WDR27: variants seen among roughly 807,000 people sequenced by gnomAD.
The protein encoded by WDR27 is WD repeat-containing protein 27.
A neutral mutation model predicts 114.4 loss-of-function variants in WDR27; 100 were observed. The observed-to-expected ratio is 0.87, with a 90% CI of 0.74 to 1.03. WDR27 has a LOEUF of 1.03. WDR27 is among the 50% of genes least tolerant of loss of function. The probability of loss-of-function intolerance (pLI) is 0.00; values close to 1 mark genes in which losing one functional copy is unlikely to be tolerated. For missense variants in WDR27, 1,129 were observed against 1,092.9 expected (o/e 1.03, Z -0.47); for synonymous variants, 449 against 423.1 (o/e 1.06, Z -0.75).
chr6:169,536,812 G>A (rs1483945522), intron 25 of WDR27, among the ~76,000 whole-genome samples: 1 of 152,126 alleles, frequency 6.6e-6, no homozygotes, highest in Non-Finnish European at 1.5e-5. Context: ...GACATCGTGT[G>A]TGGGTCTCCA....
intron 25 of WDR27, among the ~76,000 whole-genome samples, chr6:169,516,470 G>GAACTCCTCCA (rs1489614839): frequency 6.6e-6 from 1 of 152,020 alleles, no homozygotes. Flanking sequence ...AACTCCTCCA[G>GAACTCCTCCA]GGGGGCTAAT....
At chr6:169,527,370 G>C (rs1171798360) in intron 25 of WDR27, among the ~76,000 whole-genome samples, 1 of 151,164 alleles carries the variant, frequency 6.6e-6, no homozygotes, top group Non-Finnish European at 1.5e-5. Context: ...CATAAAAGAG[G>C]TCAGACACAA....
chr6:169,635,317 G>A (rs996595965), intron 19 of WDR27, among the ~76,000 whole-genome samples: 5 of 152,304 alleles, frequency 3.3e-5, no homozygotes, highest in African/African-American at 9.6e-5. Flanking sequence ...CTCGGGAGGC[G>A]GAGGTTGCGG....
chr6:169,580,541 CAT>C (rs931430319), intron 24 of WDR27, among the ~76,000 whole-genome samples: 1 of 152,194 alleles, frequency 6.6e-6, no homozygotes, highest in Admixed American at 6.5e-5. Flanking sequence ...CCTGTCCCAC[CAT>C]CCCACGTGCT....
rs368374418 is a variant in WDR27 at position 169,660,746 on chromosome 6, C to A, written c.1046G>T (p.Arg349Leu). ...ACGCLSSENTRCVWIGSSVGL... is the reference protein window; with the variant it reads ...ACGCLSSENTLCVWIGSSVGL... Reference sequence around the variant, plus strand: ...CACTGAGCTTCCGATCCACACACATCGGGTGTTCTCAGAAGAAAGACTGAT... The same window carrying A: ...CACTGAGCTTCCGATCCACACACATAGGGTGTTCTCAGAAGAAAGACTGAT... The change falls in exon 10 of 26, where the codon CGA becomes CTA. Residue 349 changes from arginine (R) to leucine (L), a missense_variant. Physicochemically the swap from Arg to Leu is moderately radical, Grantham distance 102. Transcript: ENST00000448612. 2.5e-6 allele frequency: 4 copies of A among 1,613,704 alleles called. No homozygotes were observed. Among genetic ancestry groups the A allele is most frequent in the Admixed American group, 3.3e-5 (2 of 60,034 alleles).
In WDR27 at chr6:169,688,759, G is replaced by C. The variant is rs1431305754; in HGVS notation, c.189+58C>G. 6.4e-6 allele frequency: 9 copies of C among 1,406,112 alleles called. No homozygotes were observed. In the East Asian group the frequency reaches 2.2e-4, roughly 35 times the overall value. The allele number at this position is 1,406,112 out of a possible 1,614,324, so 87.1% of individuals were successfully genotyped here. ...GTAATGCTGTCCGAACAGCATCAAA[G>C]ACATGGAGAGACAAGGGCAAGGCCT... On this transcript the variant is annotated intron_variant, in intron 2 of 25. Transcript: ENST00000448612.
At chr6:169,699,240 C>G (rs908264871) in intron 1 of WDR27, among the ~76,000 whole-genome samples, 3 of 152,154 alleles carry the variant, frequency 2.0e-5, no homozygotes, top group Non-Finnish European at 4.4e-5. Context: ...GGCTGCAGCA[C>G]TGGGAAACCT....
chr6:169,459,766 A>G (rs1466196053), intron 25 of WDR27, among the ~76,000 whole-genome samples: 1 of 152,162 alleles, frequency 6.6e-6, no homozygotes, highest in Non-Finnish European at 1.5e-5. Context: ...TAAACTTTGC[A>G]GACCACAAGG....
At chr6:169,670,954 G>A in intron 3 of WDR27, 2 of 428,324 alleles carry the variant, frequency 4.7e-6, no homozygotes, top group Non-Finnish European at 8.4e-6. Flanking sequence ...GGAGGCTGCA[G>A]TACCTGTGCA....
chr6:169,456,264 G>A (rs1327224342), downstream of WDR27, among the ~76,000 whole-genome samples: 1 of 152,104 alleles, frequency 6.6e-6, no homozygotes, highest in Non-Finnish European at 1.5e-5. The surrounding 1 kb of genome is among the most constrained non-coding windows in gnomAD (Gnocchi z 4.0). Context: ...ATTTATGGTC[G>A]ATGTGTGAAA....
chr6:169,502,398 CA>C (rs1330186850), intron 25 of WDR27, among the ~76,000 whole-genome samples: 1 of 152,204 alleles, frequency 6.6e-6, no homozygotes, highest in Non-Finnish European at 1.5e-5. Context: ...CCAGGGCTTA[CA>C]CTGTAGTTTT....
chr6:169,649,821 C>T (rs530748470), intron 14 of WDR27, among the ~76,000 whole-genome samples: 2 of 149,532 alleles, frequency 1.3e-5, no homozygotes, highest in African/African-American at 4.9e-5. Context: ...ATCCCTCACA[C>T]ATCCATCTCT....
At chr6:169,677,080 C>T (rs960070996) in intron 2 of WDR27, among the ~76,000 whole-genome samples, 4 of 152,102 alleles carry the variant, frequency 2.6e-5, no homozygotes, top group African/African-American at 7.2e-5. Context: ...TACCTAAAAA[C>T]GTGGAAGTGG....
chr6:169,647,903 A>G, intron 15 of WDR27, 33 bp from the exon 16 acceptor site: 1 of 1,433,584 alleles, frequency 7.0e-7, no homozygotes, highest in Admixed American at 2.5e-5. Flanking sequence ...GGTGATCGGG[A>G]GACATTCACA....
At position 169,668,082 on chromosome 6, in the gene WDR27, C is replaced by A. The variant is rs185125982; in HGVS notation, c.560G>T (p.Arg187Leu). 76 of 1,613,922 alleles carry A rather than the reference C, an allele frequency of 4.7e-5. 1 individual carries two copies. The highest frequency in any genetic ancestry group is 3.8e-4 in the East Asian group (17 of 44,876). ...LHTFSQTQAV[R>L]AELQGHLGPV... ...GCCCAGGTGGCCCTGCAGCTCGGCC[C>A]GAACAGCCTGAGTCTGAGAGAATGT... The change falls in exon 5 of 26, where the codon CGG becomes CTG. Residue 187 changes from arginine (R) to leucine (L), a missense_variant. Arg to Leu is a moderately radical substitution (Grantham distance 102, BLOSUM62 -2). Coordinates refer to ENST00000448612, the MANE Select transcript of WDR27 (RefSeq NM_182552.5).
At chr6:169,439,882 T>C in the WDR27 span, among the ~76,000 whole-genome samples, 1 of 146,786 alleles carries the variant, frequency 6.8e-6, no homozygotes, top group Non-Finnish European at 1.5e-5. Flanking sequence ...TTGGTAGTTA[T>C]ATTACCAATA....
intron 13 of WDR27, among the ~76,000 whole-genome samples, chr6:169,656,969 G>A (rs549185797): frequency 1.1e-4 from 17 of 152,250 alleles, no homozygotes; most frequent in Admixed American, 6.5e-4. Context: ...GCCTCCCCCC[G>A]GCCTTCATTC....
intron 23 of WDR27, among the ~76,000 whole-genome samples, chr6:169,585,627 A>AAAGTATTAATT (rs1309933999): frequency 6.6e-6 from 1 of 152,224 alleles, no homozygotes; most frequent in Non-Finnish European, 1.5e-5. Flanking sequence ...ATGTATTAAT[A>AAAGTATTAATT]CTTTATTCTT....
At chr6:169,673,939 A>G (rs186929423) in intron 2 of WDR27, among the ~76,000 whole-genome samples, 4 of 152,338 alleles carry the variant, frequency 2.6e-5, no homozygotes, top group Admixed American at 2.6e-4. Flanking sequence ...AACCCCAAAA[A>G]AGACAAAACC....
Sources: gnomAD v4.1 joint callset for allele counts (sites outside exome capture counted in the v4.1 genomes callset) on GRCh38, gnomAD v4.1.1 for gene constraint, Gnocchi (gnomAD v3.1) non-coding constraint, MANE v1.5 for transcripts, NCBI Gene and HGNC (gene_info 2026-07-23, HGNC 2026-07-21) for gene names.